The following MS4A3 variants were observed in gnomAD, a reference collection of about 807,000 sequenced individuals.
MS4A3 encodes the protein membrane-spanning 4-domains subfamily A member 3.
MS4A3 carries 18 observed loss-of-function variants against 24.7 expected under a neutral mutation model. The ratio of observed to expected loss-of-function variants is 0.73; its 90% CI spans 0.50 to 1.08. The LOEUF is 1.08. MS4A3 is among the 50% of genes least tolerant of loss of function. MS4A3 has a pLI of 0.00. For synonymous variants in MS4A3, 84 were observed against 95.3 expected (o/e 0.88, Z 0.69); for missense variants, 282 against 251.7 (o/e 1.12, Z -0.82).
rs1340118786 is a variant in MS4A3 at position 60,069,666 on chromosome 11, T to A, written c.606T>A (p.Asn202Lys). Residue 202 changes from asparagine (N) to lysine (K), a missense_variant, in exon 6 of 7, where the codon AAT becomes AAA. By Grantham distance (94) the Asn-to-Lys change is moderately conservative (BLOSUM62 0). Coordinates refer to ENST00000278865, the MANE Select transcript of MS4A3 (RefSeq NM_006138.5). Reference sequence around the variant, plus strand: ...TGTGGTGCAATGCAAACTGCTGTAATTCAAGAGAGGTGAGATTTTTCAAAT... The same window carrying A: ...TGTGGTGCAATGCAAACTGCTGTAAATCAAGAGAGGTGAGATTTTTCAAAT... ...IAMWCNANCC[N>K]SREEISSPPN... 1 of 1,610,376 alleles carries A rather than the reference T, an allele frequency of 6.2e-7. No individual in the cohort carries two copies.
chr11:60,057,886 G>A (rs1272584604), intron 1 of MS4A3, among the ~76,000 whole-genome samples: 2 of 152,176 alleles, frequency 1.3e-5, no homozygotes, highest in South Asian at 4.1e-4. Flanking sequence ...CTTGAGATGA[G>A]AGGCTCCAGT....
At chr11:60,069,029 G>A (rs1855427204) in intron 5 of MS4A3, among the ~76,000 whole-genome samples, 1 of 152,082 alleles carries the variant, frequency 6.6e-6, no homozygotes, top group Admixed American at 6.5e-5. Context: ...TGATTTTTCT[G>A]TGAATTTGGA....
chr11:60,069,419 T>A (rs764733709), intron 5 of MS4A3, 155 bp from the exon 6 acceptor site: 14 of 571,464 alleles, frequency 2.4e-5, no homozygotes, highest in Non-Finnish European at 4.1e-5. Flanking sequence ...ATACTATCTC[T>A]TCTACAGTGT....
At chr11:60,061,556 TA>T in intron 2 of MS4A3, 1 of 566,742 alleles carries the variant, frequency 1.8e-6, no homozygotes. Context: ...TAATGAATAG[TA>T]AATACATTTT....
At chr11:60,068,300 C>A (rs1449639604) in intron 5 of MS4A3, among the ~76,000 whole-genome samples, 1 of 132,024 alleles carries the variant, frequency 7.6e-6, no homozygotes, top group Non-Finnish European at 1.5e-5. Flanking sequence ...AGTGCAGTGG[C>A]GCCATCTCGG....
chr11:60,068,705 TTTATTA>T (rs942971910), intron 5 of MS4A3, among the ~76,000 whole-genome samples: 5 of 151,932 alleles, frequency 3.3e-5, no homozygotes, highest in Admixed American at 3.3e-4. Flanking sequence ...CTGTTTTCTT[TTTATTA>T]TTATTATTAT....
intron 4 of MS4A3, among the ~76,000 whole-genome samples, chr11:60,064,662 A>C (rs955864004): frequency 6.6e-6 from 1 of 152,198 alleles, no homozygotes; most frequent in African/African-American, 2.4e-5. Context: ...TATTCTAAAC[A>C]ACTGCTAAGT....
At chr11:60,064,822 C>T (rs902587429) in intron 4 of MS4A3, among the ~76,000 whole-genome samples, 1 of 152,154 alleles carries the variant, frequency 6.6e-6, no homozygotes, top group Admixed American at 6.5e-5. Flanking sequence ...TTACTCTCTG[C>T]TGATGATTTT....
chr11:60,060,799 A>C (rs1855259634), intron 1 of MS4A3: 1 of 160,602 alleles, frequency 6.2e-6, no homozygotes, highest in African/African-American at 2.4e-5. Flanking sequence ...TTATTCTTAT[A>C]AAGAGACCAC....
chr11:60,070,177 G>T (rs1382194254), intron 6 of MS4A3, 27 bp from the exon 7 acceptor site: 1 of 1,581,686 alleles, frequency 6.3e-7, no homozygotes, highest in Non-Finnish European at 8.7e-7. Context: ...TCCTGTTCTT[G>T]GACATTAATG....
intron 1 of MS4A3, among the ~76,000 whole-genome samples, chr11:60,058,954 T>C (rs1357840601): frequency 6.6e-6 from 1 of 152,194 alleles, no homozygotes; most frequent in Admixed American, 6.5e-5. Context: ...GCTCTTGGGT[T>C]CTGTACAGTG....
intron 1 of MS4A3, among the ~76,000 whole-genome samples, chr11:60,059,382 A>G (rs576010125): frequency 1.3e-5 from 2 of 152,280 alleles, no homozygotes; most frequent in African/African-American, 4.8e-5. Flanking sequence ...TTAAGATACT[A>G]TACTTTCTTT....
At chr11:60,062,378 A>G in intron 2 of MS4A3, 90 bp from the exon 3 acceptor site, 1 of 1,494,722 alleles carries the variant, frequency 6.7e-7, no homozygotes, top group South Asian at 1.2e-5. Flanking sequence ...AAGCACCGAC[A>G]TCTCCTTTCT....
intron 4 of MS4A3, among the ~76,000 whole-genome samples, chr11:60,064,929 G>C (rs1590615949): frequency 1.3e-5 from 2 of 152,138 alleles, no homozygotes; most frequent in South Asian, 4.1e-4. Context: ...TTTTCTTCTA[G>C]CCTCTTACCA....
At chr11:60,058,366 G>A (rs564608085) in intron 1 of MS4A3, among the ~76,000 whole-genome samples, 4 of 151,642 alleles carry the variant, frequency 2.6e-5, no homozygotes, top group Admixed American at 2.6e-4. Context: ...AATTAGCTGG[G>A]TGTGGTGGTG....
At chr11:60,067,256 A>AG (rs1238144402) in intron 5 of MS4A3, 144 bp downstream of exon 5, 71 of 688,616 alleles carry the variant, frequency 1.0e-4, no homozygotes, top group Admixed American at 1.2e-4. Context: ...TCTGTCGCCC[A>AG]GGCTGGAGTA....
At chr11:60,062,708 A>G in intron 3 of MS4A3, 103 bp downstream of exon 3, 2 of 1,320,124 alleles carry the variant, frequency 1.5e-6, no homozygotes, top group Non-Finnish European at 2.0e-6. Context: ...GGAAGGTTGC[A>G]TGCTGTGGTT....
chr11:60,061,402 A>C, intron 2 of MS4A3, 86 bp downstream of exon 2: 1 of 1,472,534 alleles, frequency 6.8e-7, no homozygotes, highest in Non-Finnish European at 9.2e-7. Context: ...TTGAACTGTG[A>C]GGATTCCCTT....
Position 60,067,013 on chromosome 11 carries a change from T to G in MS4A3, c.414T>G (p.Phe138Leu), listed in dbSNP as rs779967671. ...SATIALVGTA[F>L]LSLNIAVNIQ... ...CAATTGCACTAGTGGGGACTGCTTTTCTCTCACTAAATATAGCAGTTAATA... is the reference window on the plus strand; with the variant it reads ...CAATTGCACTAGTGGGGACTGCTTTGCTCTCACTAAATATAGCAGTTAATA... The change falls in exon 5 of 7, where the codon TTT becomes TTG. Residue 138 changes from phenylalanine to leucine, a missense_variant. Phe to Leu is a conservative substitution (Grantham distance 22). Transcript: ENST00000278865. 1.4e-5 allele frequency: 23 copies of G among 1,613,186 alleles called. No homozygotes were observed. The highest frequency in any genetic ancestry group is 5.0e-5 in the Admixed American group (3 of 59,954).
Sources: allele counts gnomAD v4.1 joint callset (sites outside exome capture counted in the v4.1 genomes callset), GRCh38; gene constraint gnomAD v4.1.1; transcripts MANE v1.5; gene names NCBI Gene and HGNC (gene_info 2026-07-23, HGNC 2026-07-21).